LRRFIP1: variants seen among roughly 807,000 people sequenced by gnomAD.
LRRFIP1 encodes the protein leucine-rich repeat flightless-interacting protein 1.
In LRRFIP1, 62 loss-of-function variants were observed where a neutral mutation model predicts 104.4. The observed-to-expected ratio is 0.59, with a 90% CI of 0.48 to 0.73. LRRFIP1 has a LOEUF of 0.73. Ranked by LOEUF, LRRFIP1 falls within the 30% of genes least tolerant of loss-of-function variation. The pLI is 0.00. For missense variants in LRRFIP1, 796 were observed against 824.5 expected (o/e 0.97, Z 0.42); for synonymous variants, 300 against 299.0 (o/e 1.00, Z -0.03).
At chr2:237,740,804 C>T (rs914329711) in intron 11 of LRRFIP1, among the ~76,000 whole-genome samples, 3 of 152,188 alleles carry the variant, frequency 2.0e-5, no homozygotes, top group African/African-American at 7.2e-5. Context: ...CAGCCTCCAC[C>T]CCACCCACTA....
intron 1 of LRRFIP1, among the ~76,000 whole-genome samples, chr2:237,674,670 C>T (rs1056297094): frequency 6.6e-6 from 1 of 152,238 alleles, no homozygotes; most frequent in Middle Eastern, 3.4e-3. Context: ...CCAGAGATCC[C>T]CGAAACTGAA....
At chr2:237,745,098 C>T (rs1011010631) in intron 11 of LRRFIP1, among the ~76,000 whole-genome samples, 7 of 152,238 alleles carry the variant, frequency 4.6e-5, no homozygotes, top group African/African-American at 1.2e-4. Context: ...CCTTACCTGG[C>T]TCTGCTAGGG....
At chr2:237,646,646 G>A (rs1033600926) in intron 1 of LRRFIP1, among the ~76,000 whole-genome samples, 1 of 151,876 alleles carries the variant, frequency 6.6e-6, no homozygotes, top group Non-Finnish European at 1.5e-5. Flanking sequence ...TAAGGGTGGG[G>A]CCCTGATCCA....
chr2:237,769,621 T>C lies in LRRFIP1; in HGVS notation c.1460-322T>C, dbSNP rs141918626. 2.6e-3 allele frequency: 793 copies of C among 310,468 alleles called. 6 individuals carry two copies. The highest frequency in any genetic ancestry group is 0.016 in the African/African-American group (746 of 47,884). 19.2% of individuals were successfully genotyped at this position (310,468 alleles called of 1,614,324 possible). A position where few individuals can be genotyped will look rare whatever the true frequency, so the allele number is the denominator to read the frequency against. ...GTACATTGCTAATAATGTTAAACCA[T>C]GAAGCCTGTGAGATCTTGTGTTGCA... On this transcript the variant is annotated intron_variant, in intron 19 of 23. Coordinates refer to ENST00000308482, the MANE Select transcript of LRRFIP1 (RefSeq NM_001137550.2).
At chr2:237,707,525 G>A (rs1268466942) in intron 1 of LRRFIP1, among the ~76,000 whole-genome samples, 1 of 150,976 alleles carries the variant, frequency 6.6e-6, no homozygotes, top group Non-Finnish European at 1.5e-5. Context: ...ACTGTTTATA[G>A]AACCATTGTT....
intron 8 of LRRFIP1, among the ~76,000 whole-genome samples, chr2:237,731,565 C>T (rs532961528): frequency 3.3e-5 from 5 of 152,138 alleles, no homozygotes; most frequent in African/African-American, 9.6e-5. Context: ...GGGTTTAACA[C>T]CTTGAAAAAG....
At chr2:237,690,381 C>A (rs951872474) in intron 1 of LRRFIP1, among the ~76,000 whole-genome samples, 1 of 152,210 alleles carries the variant, frequency 6.6e-6, no homozygotes. Flanking sequence ...CTGCTTTCTA[C>A]AATAAATTCC....
intron 6 of LRRFIP1, chr2:237,721,338 A>G (rs1167598458): frequency 6.4e-6 from 1 of 155,806 alleles, no homozygotes; most frequent in Non-Finnish European, 1.4e-5. Flanking sequence ...TTTTCCTTGT[A>G]TCAGTTATAA....
rs1356094992 is a variant in LRRFIP1 at position 237,711,812 on chromosome 2, G to T, written c.184-2447G>T. 6.6e-6 allele frequency among the ~76,000 whole-genome samples: 1 copy of T among 152,202 alleles called. No homozygotes were observed. On this transcript the variant is annotated intron_variant, in intron 2 of 23. Transcript: ENST00000308482. This position sits in a 1 kb window ranked among gnomAD's most constrained non-coding sequence, Gnocchi z 4.4. ...CCGGGGGGTGGGGAAGCCACTCCTT[G>T]TGGCAGCAGAGGATGGACATGGCAG...
intron 11 of LRRFIP1, among the ~76,000 whole-genome samples, chr2:237,745,460 T>C (rs78743272): frequency 1.3e-4 from 20 of 152,354 alleles, no homozygotes; most frequent in Middle Eastern, 6.8e-3. Flanking sequence ...GCAAGGACTT[T>C]TTTAAAATGA....
At chr2:237,666,807 C>CCTTT (rs2089406717) in intron 1 of LRRFIP1, among the ~76,000 whole-genome samples, 1 of 148,804 alleles carries the variant, frequency 6.7e-6, no homozygotes, top group Admixed American at 6.7e-5. Flanking sequence ...CTCTTTCTTT[C>CCTTT]TCTTTCTTTC....
chr2:237,671,782 C>CTG (rs1465728071), intron 1 of LRRFIP1, among the ~76,000 whole-genome samples: 2 of 151,234 alleles, frequency 1.3e-5, no homozygotes, highest in Non-Finnish European at 2.9e-5. Context: ...GTGTGCATGC[C>CTG]TGTGTGTGTG....
intron 19 of LRRFIP1, chr2:237,769,633 G>A (rs951194567): frequency 2.1e-5 from 7 of 335,890 alleles, no homozygotes; most frequent in African/African-American, 1.2e-4. Flanking sequence ...AAGCCTGTGA[G>A]ATCTTGTGTT....
At chr2:237,708,495 G>C in intron 1 of LRRFIP1, 49 bp from the exon 2 acceptor site, 2 of 1,407,372 alleles carry the variant, frequency 1.4e-6, no homozygotes, top group South Asian at 2.8e-5. Context: ...CCTGTACTGG[G>C]AAGGTGCCCG....
At chr2:237,687,560 T>A (rs1427379333) in intron 1 of LRRFIP1, among the ~76,000 whole-genome samples, 1 of 130,262 alleles carries the variant, frequency 7.7e-6, no homozygotes, top group East Asian at 2.2e-4. Flanking sequence ...GCCAAGATCA[T>A]GCCACTGCAC....
chr2:237,678,771 G>C (rs555896194), intron 1 of LRRFIP1, among the ~76,000 whole-genome samples: 2 of 152,142 alleles, frequency 1.3e-5, no homozygotes, highest in African/African-American at 4.8e-5. Flanking sequence ...GCCTCCAAAA[G>C]TGCTGGGATT....
intron 1 of LRRFIP1, among the ~76,000 whole-genome samples, chr2:237,687,961 C>T: frequency 6.6e-6 from 1 of 152,122 alleles, no homozygotes; most frequent in Admixed American, 6.5e-5. Flanking sequence ...GGGTGTGGCC[C>T]CAAATTGGCT....
chr2:237,697,051 G>A (rs1036881966), intron 1 of LRRFIP1, among the ~76,000 whole-genome samples: 7 of 151,974 alleles, frequency 4.6e-5, no homozygotes, highest in African/African-American at 1.2e-4. Context: ...TGAGACAGTC[G>A]TGCTTGATTG....
intron 1 of LRRFIP1, among the ~76,000 whole-genome samples, chr2:237,658,528 T>C (rs896845321): frequency 1.3e-5 from 2 of 152,224 alleles, no homozygotes; most frequent in African/African-American, 2.4e-5. Flanking sequence ...GTTTTCATAC[T>C]ACTGTAAAGA....
Sources: allele counts gnomAD v4.1 joint callset (sites outside exome capture counted in the v4.1 genomes callset), GRCh38; gene constraint gnomAD v4.1.1; non-coding constraint Gnocchi (gnomAD v3.1); transcripts MANE v1.5; gene names NCBI Gene and HGNC (gene_info 2026-07-23, HGNC 2026-07-21).